Variants in MTUS2 observed in about 807,000 individuals in gnomAD.
MTUS2 encodes the protein microtubule-associated tumor suppressor candidate 2.
MTUS2 carries 40 observed loss-of-function variants against 114.1 expected under a neutral mutation model. The ratio of observed to expected loss-of-function variants is 0.35; its 90% CI spans 0.27 to 0.46. The LOEUF (loss-of-function observed/expected upper bound fraction) is 0.46, where lower values mean the gene tolerates loss of function less well. Ranked by LOEUF, MTUS2 falls within the 20% of genes least tolerant of loss-of-function variation. The probability of loss-of-function intolerance (pLI) is 1.00; values close to 1 mark genes in which losing one functional copy is unlikely to be tolerated. For synonymous variants in MTUS2, 688 were observed against 672.0 expected (o/e 1.02, Z -0.37); for missense variants, 1,679 against 1,705.4 (o/e 0.98, Z 0.27).
chr13:28,885,328 T>G (rs1375869942), intron 2 of MTUS2, among the ~76,000 whole-genome samples: 1 of 152,218 alleles, frequency 6.6e-6, no homozygotes, highest in Non-Finnish European at 1.5e-5. Context: ...GGGCAGGGGT[T>G]ACTTCTGTGG....
intron 13 of MTUS2, 84 bp downstream of exon 13, chr13:29,497,420 A>C: frequency 1.7e-6 from 2 of 1,183,824 alleles, no homozygotes; most frequent in Non-Finnish European, 2.5e-6. Context: ...TCTCGTCCCA[A>C]GACAAGGCCT....
At chr13:29,114,400 T>C (rs559723662) in intron 5 of MTUS2, among the ~76,000 whole-genome samples, 3 of 152,280 alleles carry the variant, frequency 2.0e-5, no homozygotes, top group African/African-American at 7.2e-5. Context: ...GAATAAATCA[T>C]CCATTGTGAT....
chr13:28,823,426 C>T (rs879371548), intron 1 of MTUS2, among the ~76,000 whole-genome samples: 4 of 152,202 alleles, frequency 2.6e-5, no homozygotes, highest in Non-Finnish European at 5.9e-5. Flanking sequence ...GAAATGATTT[C>T]TACTTCCTAT....
At position 29,207,099 on chromosome 13, in the gene MTUS2, G is replaced by A. The variant is rs1341157905; in HGVS notation, c.2645-74605G>A. 3.3e-5 allele frequency among the ~76,000 whole-genome samples: 5 copies of A among 151,974 alleles called. No homozygotes were observed. The East Asian group carries it at 7.7e-4, about 23-fold the overall frequency. On this transcript the variant is annotated intron_variant, in intron 5 of 15. Transcript: ENST00000612955. Reference sequence around the variant, plus strand: ...TGATTTTTTTCGGCAGTGTTTTATAGTTTTCTTTGTAGAGGTCTTTCACCC... The same window carrying A: ...TGATTTTTTTCGGCAGTGTTTTATAATTTTCTTTGTAGAGGTCTTTCACCC...
chr13:29,120,883 A>G (rs892130742), intron 5 of MTUS2, among the ~76,000 whole-genome samples: 11 of 152,266 alleles, frequency 7.2e-5, no homozygotes, highest in African/African-American at 2.2e-4. Flanking sequence ...AATCATTGAT[A>G]TAGCAAGAAA....
At chr13:29,044,655 G>A (rs1887531695) in intron 4 of MTUS2, among the ~76,000 whole-genome samples, 2 of 152,130 alleles carry the variant, frequency 1.3e-5, no homozygotes, top group Admixed American at 1.3e-4. Flanking sequence ...ATTGTGAATA[G>A]TTTCTCTTGC....
At chr13:28,967,679 G>A (rs996978750) in intron 2 of MTUS2, among the ~76,000 whole-genome samples, 3 of 152,034 alleles carry the variant, frequency 2.0e-5, no homozygotes, top group African/African-American at 7.3e-5. Flanking sequence ...AGAGCTCCGT[G>A]GCCCTTCTCA....
intron 7 of MTUS2, among the ~76,000 whole-genome samples, chr13:29,338,873 A>C (rs1286388628): frequency 6.6e-6 from 1 of 152,182 alleles, no homozygotes; most frequent in Non-Finnish European, 1.5e-5. Flanking sequence ...GGGGAAAGGT[A>C]AGGGTTTTGA....
chr13:29,039,861 A>G (rs1329947620), intron 4 of MTUS2, among the ~76,000 whole-genome samples: 1 of 152,200 alleles, frequency 6.6e-6, no homozygotes, highest in Non-Finnish European at 1.5e-5. Context: ...AGCACAGGCA[A>G]TGTTGATTTT....
At chr13:28,951,488 C>G (rs1235220237) in intron 2 of MTUS2, among the ~76,000 whole-genome samples, 3 of 152,040 alleles carry the variant, frequency 2.0e-5, no homozygotes, top group Non-Finnish European at 4.4e-5. Context: ...TGAGTGCATT[C>G]TCTTAATTAA....
intron 5 of MTUS2, among the ~76,000 whole-genome samples, chr13:29,198,243 T>C (rs2139225405): frequency 6.6e-6 from 1 of 152,346 alleles, no homozygotes; most frequent in African/African-American, 2.4e-5. Context: ...AGTTAATTTT[T>C]GTATAAGGTG....
chr13:29,442,081 A>G (rs893322399), intron 9 of MTUS2, among the ~76,000 whole-genome samples: 8 of 152,140 alleles, frequency 5.3e-5, no homozygotes, highest in Non-Finnish European at 8.8e-5. Context: ...AGGTGGAGAC[A>G]GCTGGGAGAC....
chr13:29,350,951 T>C (rs1445431457), intron 7 of MTUS2, among the ~76,000 whole-genome samples: 1 of 98,082 alleles, frequency 1.0e-5, no homozygotes, highest in East Asian at 3.6e-4. Context: ...TTAGGGCATA[T>C]ATATATTTCA....
chr13:29,000,512 G>A (rs898930929), intron 2 of MTUS2, among the ~76,000 whole-genome samples: 29 of 151,930 alleles, frequency 1.9e-4, no homozygotes, highest in Admixed American at 1.6e-3. Context: ...ATAGGTGCAC[G>A]CCACCACACC....
intron 2 of MTUS2, among the ~76,000 whole-genome samples, chr13:28,852,991 T>C (rs1876393741): frequency 7.2e-6 from 1 of 138,736 alleles, no homozygotes; most frequent in African/African-American, 2.6e-5. Context: ...ATTCATTCAT[T>C]CCTTGGAAAA....
intron 2 of MTUS2, among the ~76,000 whole-genome samples, chr13:28,956,498 G>A (rs1007009365): frequency 6.6e-6 from 1 of 152,152 alleles, no homozygotes; most frequent in South Asian, 2.1e-4. Flanking sequence ...CCCCACCAAA[G>A]CCTCTTTTTT....
At chr13:28,949,223 C>T (rs551297690) in intron 2 of MTUS2, among the ~76,000 whole-genome samples, 2 of 152,310 alleles carry the variant, frequency 1.3e-5, no homozygotes, top group Admixed American at 6.5e-5. Flanking sequence ...TGACTTTGAG[C>T]CACAAGAATC....
At chr13:28,837,105 C>T (rs1197882254) in intron 1 of MTUS2, among the ~76,000 whole-genome samples, 1 of 152,134 alleles carries the variant, frequency 6.6e-6, no homozygotes, top group Non-Finnish European at 1.5e-5. Flanking sequence ...GACCGCTTCT[C>T]TGGTAGTGTC....
intron 5 of MTUS2, among the ~76,000 whole-genome samples, chr13:29,162,767 G>T (rs1230408704): frequency 6.6e-6 from 1 of 152,234 alleles, no homozygotes. Flanking sequence ...CACTTTCAGT[G>T]ACTGCTGCTT....
Sources: allele counts gnomAD v4.1 joint callset (sites outside exome capture counted in the v4.1 genomes callset), GRCh38; gene constraint gnomAD v4.1.1; transcripts MANE v1.5; gene names NCBI Gene and HGNC (gene_info 2026-07-23, HGNC 2026-07-21).